Variants in NYAP2 observed in about 807,000 individuals in gnomAD.
The protein encoded by NYAP2 is neuronal tyrosine-phosphorylated phosphoinositide-3-kinase adaptor 2.
A neutral mutation model predicts 50.4 loss-of-function variants in NYAP2; 23 were observed. The ratio of observed to expected loss-of-function variants is 0.46; its 90% CI spans 0.33 to 0.65. NYAP2 has a LOEUF of 0.65. Among genes scored for constraint, NYAP2 ranks in the 30% least tolerant of loss-of-function variants. NYAP2 has a pLI of 0.02. For missense variants in NYAP2, 885 were observed against 861.0 expected (o/e 1.03, Z -0.35); for synonymous variants, 394 against 365.2 (o/e 1.08, Z -0.90).
intron 3 of NYAP2, among the ~76,000 whole-genome samples, chr2:225,506,859 C>G (rs544412179): frequency 6.6e-6 from 1 of 152,064 alleles, no homozygotes; most frequent in Admixed American, 6.6e-5. Context: ...GGTGTTCCCC[C>G]ATTTAATGTA....
intron 4 of NYAP2, among the ~76,000 whole-genome samples, chr2:225,530,850 C>T (rs1691242010): frequency 6.6e-6 from 1 of 152,162 alleles, no homozygotes; most frequent in African/African-American, 2.4e-5. Context: ...CTTCACTTGC[C>T]CTGATCTCTC....
intron 3 of NYAP2, among the ~76,000 whole-genome samples, chr2:225,512,987 A>G (rs1387766725): frequency 6.6e-6 from 1 of 151,898 alleles, no homozygotes; most frequent in Non-Finnish European, 1.5e-5. Flanking sequence ...TTAAGCAGAT[A>G]AAAGCAGGAA....
At chr2:225,599,024 C>G (rs1421816252) in intron 5 of NYAP2, among the ~76,000 whole-genome samples, 2 of 152,154 alleles carry the variant, frequency 1.3e-5, no homozygotes, top group Non-Finnish European at 2.9e-5. Context: ...TGTGTGTTTC[C>G]CTGGGCTTCA....
intron 3 of NYAP2, among the ~76,000 whole-genome samples, chr2:225,411,830 G>A (rs1215267524): frequency 2.0e-5 from 3 of 151,894 alleles, no homozygotes; most frequent in African/African-American, 7.3e-5. Context: ...TACCACATTT[G>A]TGTTATTAAT....
chr2:225,437,796 T>G (rs1339024369), intron 3 of NYAP2, among the ~76,000 whole-genome samples: 1 of 152,226 alleles, frequency 6.6e-6, no homozygotes, highest in Non-Finnish European at 1.5e-5. Flanking sequence ...AGCAGGTAAG[T>G]TTCAGAAATC....
chr2:225,493,866 A>G (rs1225946658), intron 3 of NYAP2, among the ~76,000 whole-genome samples: 2 of 152,250 alleles, frequency 1.3e-5, no homozygotes, highest in Admixed American at 6.5e-5. Context: ...AGAGTTGGAA[A>G]GAAGTGCACA....
At chr2:225,532,844 C>G (rs1033909227) in intron 4 of NYAP2, among the ~76,000 whole-genome samples, 1 of 151,922 alleles carries the variant, frequency 6.6e-6, no homozygotes, top group Non-Finnish European at 1.5e-5. Flanking sequence ...ATGATCTGCC[C>G]TGTGTTGTTT....
chr2:225,583,097 G>A (rs1313359159), intron 5 of NYAP2, 62 bp downstream of exon 5: 1 of 1,548,166 alleles, frequency 6.5e-7, no homozygotes, highest in Non-Finnish European at 8.7e-7. Context: ...CCAGGGTGAA[G>A]CCCATTGTGT....
chr2:225,501,311 G>A (rs1690602849), intron 3 of NYAP2, among the ~76,000 whole-genome samples: 1 of 152,152 alleles, frequency 6.6e-6, no homozygotes, highest in Non-Finnish European at 1.5e-5. Context: ...CTTGACTCTG[G>A]AATTCAAAAT....
intron 4 of NYAP2, among the ~76,000 whole-genome samples, chr2:225,527,492 T>C (rs1008364540): frequency 6.6e-6 from 1 of 152,174 alleles, no homozygotes; most frequent in Non-Finnish European, 1.5e-5. Context: ...AAACTTCTTT[T>C]TATTATTTAT....
At chr2:225,524,587 C>T (rs2106193236) in intron 4 of NYAP2, among the ~76,000 whole-genome samples, 1 of 152,228 alleles carries the variant, frequency 6.6e-6, no homozygotes, top group Non-Finnish European at 1.5e-5. Context: ...TCAGCATATA[C>T]AAAAATCAAC....
chr2:225,512,262 A>G (rs779451843), intron 3 of NYAP2, among the ~76,000 whole-genome samples: 1 of 152,210 alleles, frequency 6.6e-6, no homozygotes, highest in Admixed American at 6.5e-5. Context: ...AAATTTGGAA[A>G]CTTTGCATAC....
chr2:225,524,599 C>A (rs552956960), intron 4 of NYAP2, among the ~76,000 whole-genome samples: 171 of 152,240 alleles, frequency 1.1e-3, no homozygotes, highest in African/African-American at 3.5e-3. Flanking sequence ...AAAATCAACT[C>A]AAGAAGGATT....
At chr2:225,604,752 TG>T (rs1692755555) in intron 5 of NYAP2, among the ~76,000 whole-genome samples, 1 of 152,138 alleles carries the variant, frequency 6.6e-6, no homozygotes, top group African/African-American at 2.4e-5. Context: ...AATTTCATAT[TG>T]GCCACTAATG....
intron 3 of NYAP2, among the ~76,000 whole-genome samples, chr2:225,484,311 G>A (rs577420681): frequency 1.3e-5 from 2 of 152,312 alleles, no homozygotes; most frequent in East Asian, 3.9e-4. Context: ...CGTCCCAAAT[G>A]ATTAGTTGAC....
intron 2 of NYAP2, among the ~76,000 whole-genome samples, chr2:225,406,552 C>T (rs1284136447): frequency 6.6e-6 from 1 of 151,732 alleles, no homozygotes; most frequent in East Asian, 1.9e-4. Context: ...AACACGTGCT[C>T]AACAAATACT....
At chr2:225,434,235 C>T (rs1302387221) in intron 3 of NYAP2, among the ~76,000 whole-genome samples, 1 of 152,120 alleles carries the variant, frequency 6.6e-6, no homozygotes, top group African/African-American at 2.4e-5. Context: ...AGACAACTGC[C>T]CCTCTGCCCT....
the NYAP2 span, among the ~76,000 whole-genome samples, chr2:225,661,912 C>T: frequency 6.6e-6 from 1 of 152,056 alleles, no homozygotes; most frequent in Non-Finnish European, 1.5e-5. Flanking sequence ...TTAATACACA[C>T]AGGGTTTCAC....
intron 3 of NYAP2, among the ~76,000 whole-genome samples, chr2:225,508,721 G>T (rs1690755955): frequency 6.6e-6 from 1 of 152,232 alleles, no homozygotes; most frequent in African/African-American, 2.4e-5. Flanking sequence ...CATAAAGGTT[G>T]CCTGAATCTG....
Sources: allele counts gnomAD v4.1 joint callset (sites outside exome capture counted in the v4.1 genomes callset), GRCh38; gene constraint gnomAD v4.1.1; transcripts MANE v1.5; gene names NCBI Gene and HGNC (gene_info 2026-07-23, HGNC 2026-07-21).